ABCC2: variants seen among roughly 807,000 people sequenced by gnomAD.
ABCC2 encodes the protein ATP-binding cassette sub-family C member 2.
ABCC2 carries 157 observed loss-of-function variants against 173.4 expected under a neutral mutation model. That is an observed-to-expected ratio of 0.91 (90% CI 0.80 to 1.03). ABCC2 has a LOEUF of 1.03. Ranked by LOEUF, ABCC2 falls within the 50% of genes least tolerant of loss-of-function variation. The probability of loss-of-function intolerance (pLI) is 0.00; values close to 1 mark genes in which losing one functional copy is unlikely to be tolerated. For missense variants in ABCC2, 1,822 were observed against 1,852.3 expected (o/e 0.98, Z 0.30); for synonymous variants, 657 against 693.5 (o/e 0.95, Z 0.83).
intron 23 of ABCC2, among the ~76,000 whole-genome samples, chr10:99,833,053 C>T (rs1254344030): frequency 1.3e-5 from 2 of 152,232 alleles, no homozygotes; most frequent in Non-Finnish European, 2.9e-5. Flanking sequence ...CAGCTCTGGA[C>T]TCTTGTTTGT....
rs17222723 is a variant in ABCC2 at position 99,836,239 on chromosome 10, T to A, written c.3563T>A (p.Val1188Glu). 85,903 of 1,613,986 alleles carry A rather than the reference T, an allele frequency of 0.053. 2,596 individuals are homozygous for A. The highest frequency in any genetic ancestry group is 0.13 in the Middle Eastern group (799 of 6,060). ...HQQRFLKHNE[V>E]RIDTNQKCVF... is the part of the protein sequence containing the mutation. ...CAGCGATTTCTGAAACACAATGAGG[T>A]GAGGATTGACACCAACCAGAAATGT... is the stretch of plus-strand genomic sequence containing the variant. Residue 1188 changes from valine (V) to glutamate (E), a missense_variant, in exon 25 of 32, where the codon GTG (valine) becomes GAG (glutamate). Val to Glu is a moderately radical substitution (Grantham distance 121, BLOSUM62 -2). Transcript: ENST00000647814.
chr10:99,844,891 G>A (rs565110832), intron 28 of ABCC2, among the ~76,000 whole-genome samples: 2 of 152,316 alleles, frequency 1.3e-5, no homozygotes, highest in Non-Finnish European at 2.9e-5. Context: ...CTTAGGTGCT[G>A]TTGTTCTCCG....
chr10:99,851,502 G>A lies in ABCC2; in HGVS notation c.4509G>A (p.Lys1503=). 6.2e-7 allele frequency: 1 copy of A among 1,613,918 alleles called. No homozygotes were observed. Among genetic ancestry groups the A allele is most frequent in the African/African-American group, 1.3e-5 (1 of 74,952 alleles). ...TTTATTTCTTTCTTCCTTGTTTCAG[G>A]GTAATGGTCCTAGACAACGGGAAGA... ...HRLHTIMDSD[K]VMVLDNGKII... is the part of the protein sequence containing the mutation. Residue 1503 remains lysine, a splice_region_variant and synonymous_variant, in exon 32 of 32, where the codon AAG becomes AAA. Transcript: ENST00000647814.
At chr10:99,787,001 CAAAAA>C (rs200187648) in intron 2 of ABCC2, among the ~76,000 whole-genome samples, 1 of 110,526 alleles carries the variant, frequency 9.0e-6, no homozygotes, top group Non-Finnish European at 1.9e-5. Flanking sequence ...GACTCCGTCT[CAAAAA>C]AAAAAAAAAA....
intron 1 of ABCC2, 132 bp downstream of exon 1, chr10:99,783,009 T>C: frequency 1.2e-6 from 1 of 830,452 alleles, no homozygotes. Flanking sequence ...TCAGGCTTTT[T>C]AGAAAGCATA....
intron 16 of ABCC2, among the ~76,000 whole-genome samples, chr10:99,814,003 G>A (rs563092355): frequency 3.2e-4 from 49 of 151,838 alleles, no homozygotes; most frequent in Non-Finnish European, 6.0e-4. Context: ...CTAAATCTTT[G>A]ATGGCATTTG....
Position 99,842,055 on chromosome 10 carries a change from G to A in ABCC2, c.3703G>A (p.Gly1235Arg), listed in dbSNP as rs2038956334. 6.2e-7 allele frequency: 1 copy of A among 1,614,054 alleles called. No homozygotes were observed. The highest frequency in any genetic ancestry group is 1.3e-5 in the African/African-American group (1 of 74,902). The change falls in exon 26 of 32, where the codon GGG (glycine) becomes AGG (arginine). Residue 1235 changes from glycine (G) to arginine (R), a missense_variant. By Grantham distance (125) the Gly-to-Arg change is moderately radical (BLOSUM62 -2). Transcript: ENST00000647814. ...GGTTATTTATAGAGATACCCTAAGTGGGGACACTGTTGGCTTTGTTCTGTC... is the reference window on the plus strand; with the variant it reads ...GGTTATTTATAGAGATACCCTAAGTAGGGACACTGTTGGCTTTGTTCTGTC... Reference protein sequence around the residue: ...MMVIYRDTLSGDTVGFVLSNA... With the variant: ...MMVIYRDTLSRDTVGFVLSNA...
intron 11 of ABCC2, 43 bp downstream of exon 11, chr10:99,805,490 A>T: frequency 6.3e-7 from 1 of 1,586,080 alleles, no homozygotes; most frequent in Non-Finnish European, 8.7e-7. Flanking sequence ...GTAAGGACAG[A>T]AGCAGTGGCT....
chr10:99,782,997 G>A (rs1456799352), intron 1 of ABCC2, 120 bp downstream of exon 1: 1 of 949,422 alleles, frequency 1.1e-6, no homozygotes, highest in Non-Finnish European at 1.7e-6. Context: ...TTGGTCTAAA[G>A]CTCAGGCTTT....
chr10:99,793,616 C>T lies in ABCC2; in HGVS notation c.399C>T (p.Ser133=), dbSNP rs1255415520. Residue 133 remains serine, a synonymous_variant, in exon 4 of 32, where the codon TCC becomes TCT. Transcript: ENST00000647814. The part of the protein sequence containing the change: ...WCVQKNSWFL[S]LFWILSILCG... ...TACAGAAAAACTCCTGGTTCCTGTCCCTATTCTGGATTCTCTCGATACTCT... is the reference window on the plus strand; with the variant it reads ...TACAGAAAAACTCCTGGTTCCTGTCTCTATTCTGGATTCTCTCGATACTCT... The T allele has an allele frequency of 6.2e-7, 1 of 1,614,074 alleles. No individual in the cohort carries two copies. The highest frequency in any genetic ancestry group is 8.5e-7 in the Non-Finnish European group (1 of 1,179,980).
At chr10:99,812,665 A>G (rs1447566932) in intron 15 of ABCC2, among the ~76,000 whole-genome samples, 2 of 152,298 alleles carry the variant, frequency 1.3e-5, no homozygotes, top group Middle Eastern at 3.4e-3. Flanking sequence ...CAGGGTTGGG[A>G]CTTGAACCAA....
chr10:99,792,122 G>A (rs2037819981), intron 2 of ABCC2, 112 bp from the exon 3 acceptor site: 6 of 1,323,874 alleles, frequency 4.5e-6, no homozygotes, highest in Non-Finnish European at 5.4e-6. Context: ...TATTTATTGT[G>A]TTATCTGAAT....
rs796678291 is a variant in ABCC2, at chr10:99,806,075, G to GTCTC, written c.1530+631_1530+632insCTCT. Among the ~76,000 whole-genome samples the GTCTC allele has an allele frequency of 1.4e-4, 15 of 107,848 alleles. 1 individual carries two copies. The highest frequency in any genetic ancestry group is 3.6e-4 in the African/African-American group (11 of 30,512). The allele number at this position is 107,848 out of a possible 152,430, so 70.8% of individuals were successfully genotyped here. Reference sequence around the variant, plus strand: ...AATCTACTACAGTCTCTCTCTCTCTGTCTGTGTGTGTGTGTGTGTGTGTGT... The same window carrying GTCTC: ...AATCTACTACAGTCTCTCTCTCTCTGTCTCTCTGTGTGTGTGTGTGTGTGTGTGT... On this transcript the variant is annotated intron_variant, in intron 11 of 31. Transcript: ENST00000647814.
Position 99,843,819 on chromosome 10 carries a change from G to T in ABCC2, c.3762G>T (p.Trp1254Cys). Residue 1254 changes from tryptophan to cysteine, a missense_variant, in exon 27 of 32, where the codon TGG becomes TGT. Transcript: ENST00000647814. Reference protein sequence around the residue: ...NALNITQTLNWLVRMTSEIET... With the variant: ...NALNITQTLNCLVRMTSEIET... ...TGTAGATCACACAAACCCTGAACTG[G>T]CTGGTGAGGATGACATCAGAAATAG... 6.2e-7 allele frequency: 1 copy of T among 1,614,118 alleles called. No homozygotes were observed. Among genetic ancestry groups the T allele is most frequent in the Non-Finnish European group, 8.5e-7 (1 of 1,179,992 alleles).
At chr10:99,785,450 T>C (rs926496241) in intron 2 of ABCC2, among the ~76,000 whole-genome samples, 1 of 152,228 alleles carries the variant, frequency 6.6e-6, no homozygotes, top group African/African-American at 2.4e-5. Flanking sequence ...TTCGAGGTTG[T>C]AAAATTATCT....
At chr10:99,796,147 G>A (rs958749975) in intron 6 of ABCC2, among the ~76,000 whole-genome samples, 3 of 152,286 alleles carry the variant, frequency 2.0e-5, no homozygotes, top group South Asian at 2.1e-4. Flanking sequence ...CAGATCACTT[G>A]AGGTCAGGAG....
rs765580991 is a variant in ABCC2 at position 99,818,943 on chromosome 10, CT to C, written c.2426del (p.Leu809ArgfsTer2). 69 of 1,609,908 alleles carry C rather than the reference CT, an allele frequency of 4.3e-5. No individual in the cohort carries two copies. The highest frequency in any genetic ancestry group is 5.8e-5 in the Non-Finnish European group (68 of 1,178,076). On this transcript the variant is annotated frameshift_variant, in exon 18 of 32. Transcript: ENST00000647814. LOFTEE classifies it high-confidence loss of function. ...IFNKVLGPNG[L>X]LKGKTRLLVT... The stretch of plus-strand genomic sequence containing the variant: ...TAATAAGGTCTTGGGCCCCAATGGC[CT>C]GTTGAAAGGCAAGGTGAGAAATCAT...
At chr10:99,814,346 C>CACACGTATGTATACACACATATATAT (rs1564684604) in intron 16 of ABCC2, among the ~76,000 whole-genome samples, 12 of 135,688 alleles carry the variant, frequency 8.8e-5, no homozygotes, top group African/African-American at 3.2e-4. Flanking sequence ...TGTATATATA[C>CACACGTATGTATACACACATATATAT]ACACGTATGT....
At position 99,846,351 on chromosome 10, in the gene ABCC2, G is replaced by T. The variant is rs532217595; in HGVS notation, c.4146+569G>T. On this transcript the variant is annotated intron_variant, in intron 29 of 31. Transcript: ENST00000647814. ...CTGCAGCCCAGTTCCTCTGGGGGTA[G>T]TTTTGGTCTGTCTGGTGTTTGCTCA... 5.5e-4 allele frequency among the ~76,000 whole-genome samples: 84 copies of T among 152,340 alleles called. 1 individual carries two copies. Among genetic ancestry groups the T allele is most frequent in the African/African-American group, 2.0e-3 (82 of 41,584 alleles).
Sources: gnomAD v4.1 joint callset for allele counts (sites outside exome capture counted in the v4.1 genomes callset) on GRCh38, gnomAD v4.1.1 for gene constraint, MANE v1.5 for transcripts, NCBI Gene and HGNC (gene_info 2026-07-23, HGNC 2026-07-21) for gene names.